SMC1B: variants seen among roughly 807,000 people sequenced by gnomAD.
SMC1B encodes structural maintenance of chromosomes 1B.
A neutral mutation model predicts 157.9 loss-of-function variants in SMC1B; 60 were observed. The observed-to-expected ratio is 0.38, with a 90% CI of 0.31 to 0.47. The LOEUF (loss-of-function observed/expected upper bound fraction) is 0.47. Among genes scored for constraint, SMC1B ranks in the 20% least tolerant of loss-of-function variants. SMC1B has a pLI of 0.99. For synonymous variants in SMC1B, 445 were observed against 483.0 expected (o/e 0.92, Z 1.03); for missense variants, 1,165 against 1,426.2 (o/e 0.82, Z 2.95).
At chr22:45,360,069 G>A (rs1344135834) in intron 17 of SMC1B, 111 bp from the exon 18 acceptor site, 1 of 787,804 alleles carries the variant, frequency 1.3e-6, no homozygotes, top group Admixed American at 2.9e-5. Flanking sequence ...TTATTCCTGT[G>A]AGTGCTGTAA....
At chr22:45,370,784 C>T (rs781634340) in intron 14 of SMC1B, among the ~76,000 whole-genome samples, 2 of 152,100 alleles carry the variant, frequency 1.3e-5, no homozygotes, top group Non-Finnish European at 2.9e-5. Context: ...TTGATAACAT[C>T]CAGAGGATGG....
intron 1 of SMC1B, among the ~76,000 whole-genome samples, chr22:45,409,751 C>T (rs978450883): frequency 6.6e-5 from 10 of 152,236 alleles, no homozygotes; most frequent in Middle Eastern, 3.4e-3. Flanking sequence ...GGTTGGCTGG[C>T]TTACAGGGAT....
Position 45,362,914 on chromosome 22 carries a change from C to G in SMC1B, c.2533G>C (p.Gly845Arg). Residue 845 changes from glycine to arginine, a missense_variant, in exon 16 of 25, where the codon GGT becomes CGT. By Grantham distance (125) the Gly-to-Arg change is moderately radical. Transcript: ENST00000357450. Reference protein sequence around the residue: ...INTLKETIQKGSEDIDHLKKA... With the variant: ...INTLKETIQKRSEDIDHLKKA... ...TTTAGGTGATCAATATCTTCACTACCTTTCTGGATAGTTTCTTTTAATGTG... is the reference window on the plus strand; with the variant it reads ...TTTAGGTGATCAATATCTTCACTACGTTTCTGGATAGTTTCTTTTAATGTG... 1 of 1,602,332 alleles carries G rather than the reference C, an allele frequency of 6.2e-7. No homozygotes were observed. Among genetic ancestry groups the G allele is most frequent in the Non-Finnish European group, 8.5e-7 (1 of 1,174,638 alleles).
At position 45,406,114 on chromosome 22, in the gene SMC1B, C is replaced by G. The variant is rs563487611; in HGVS notation, c.615+346G>C. Among the ~76,000 whole-genome samples, 5 of 152,098 alleles carry G rather than the reference C, an allele frequency of 3.3e-5. No individual in the cohort carries two copies. In the East Asian group the frequency reaches 9.7e-4, roughly 29 times the overall value. ...ATACAATAAATATTAATAGATATAA[C>G]CCATATGAACAAAAACTCTTTGGGG... On this transcript the variant is annotated intron_variant, in intron 4 of 24. Transcript: ENST00000357450.
At chr22:45,363,941 T>C (rs1324271518) in intron 15 of SMC1B, among the ~76,000 whole-genome samples, 1 of 151,762 alleles carries the variant, frequency 6.6e-6, no homozygotes, top group Non-Finnish European at 1.5e-5. Flanking sequence ...CTCCGCCCCC[T>C]GGGTTCAAAC....
At chr22:45,372,097 C>A (rs1331718355) in intron 13 of SMC1B, 58 bp downstream of exon 13, 3 of 1,415,290 alleles carry the variant, frequency 2.1e-6, no homozygotes, top group Non-Finnish European at 2.9e-6. Flanking sequence ...AAATGTAATT[C>A]CTGAAATTCT....
At chr22:45,346,824 T>A (rs978351495) in intron 23 of SMC1B, among the ~76,000 whole-genome samples, 1 of 152,054 alleles carries the variant, frequency 6.6e-6, no homozygotes, top group Non-Finnish European at 1.5e-5. Flanking sequence ...GAGTGGAGGG[T>A]GCTTCATAGT....
chr22:45,389,391 A>G (rs1335978170), intron 10 of SMC1B, among the ~76,000 whole-genome samples: 1 of 152,202 alleles, frequency 6.6e-6, no homozygotes, highest in African/African-American at 2.4e-5. Flanking sequence ...CGTCTTATCC[A>G]TTTCCTATAC....
rs372406430 is a variant in SMC1B, at chr22:45,354,505, C to T, written c.3119-373G>A. Among the ~76,000 whole-genome samples, 56 of 152,244 alleles carry T rather than the reference C, an allele frequency of 3.7e-4. 1 individual carries two copies. In the East Asian group the frequency reaches 9.1e-3, roughly 25 times the overall value. ...TCCCAGGTTCAAGCAATTCTCCTGC[C>T]TCAGCCTCCCGAGTAGCTGGGACTA... is the stretch of plus-strand genomic sequence containing the variant. On this transcript the variant is annotated intron_variant, in intron 20 of 24. Coordinates refer to ENST00000357450, the MANE Select transcript of SMC1B (RefSeq NM_148674.5).
At chr22:45,345,845 T>C (rs2086545805) in intron 23 of SMC1B, among the ~76,000 whole-genome samples, 1 of 152,202 alleles carries the variant, frequency 6.6e-6, no homozygotes, top group Non-Finnish European at 1.5e-5. Context: ...AACCAGCCTT[T>C]ATAACAAGAA....
chr22:45,387,856 A>C (rs980175685), intron 10 of SMC1B, among the ~76,000 whole-genome samples: 4 of 152,052 alleles, frequency 2.6e-5, no homozygotes, highest in Non-Finnish European at 4.4e-5. Flanking sequence ...ACATGGTGAA[A>C]CCCTGTCTCT....
At chr22:45,379,723 C>CTTTTTT (rs136583) in intron 12 of SMC1B, among the ~76,000 whole-genome samples, 19 of 91,482 alleles carry the variant, frequency 2.1e-4, no homozygotes, top group South Asian at 4.2e-4. Flanking sequence ...TTTCTTTTTA[C>CTTTTTT]TTTTTTTTTT....
intron 12 of SMC1B, among the ~76,000 whole-genome samples, chr22:45,374,585 T>A (rs1374427144): frequency 2.0e-5 from 3 of 152,230 alleles, no homozygotes; most frequent in Admixed American, 2.0e-4. Context: ...TGGTTACAAG[T>A]CTTCAAAATA....
intron 10 of SMC1B, among the ~76,000 whole-genome samples, chr22:45,387,364 C>T (rs569234615): frequency 2.6e-5 from 4 of 152,070 alleles, no homozygotes; most frequent in South Asian, 2.1e-4. Context: ...GCAGGAGACT[C>T]GCTTGAACTT....
chr22:45,408,258 T>C (rs2087287008), intron 2 of SMC1B, among the ~76,000 whole-genome samples: 1 of 152,144 alleles, frequency 6.6e-6, no homozygotes, highest in Admixed American at 6.5e-5. Context: ...CCCGAGTAGC[T>C]GGGACTACAG....
intron 4 of SMC1B, among the ~76,000 whole-genome samples, chr22:45,405,189 A>C (rs992905181): frequency 1.3e-5 from 2 of 152,138 alleles, no homozygotes; most frequent in Non-Finnish European, 2.9e-5. Flanking sequence ...ACACATAATA[A>C]AGGTCAAGGT....
In SMC1B at chr22:45,375,641, C is replaced by A. The variant is rs555648793; in HGVS notation, c.2059-3349G>T. On this transcript the variant is annotated intron_variant, in intron 12 of 24. Coordinates refer to ENST00000357450, the MANE Select transcript of SMC1B (RefSeq NM_148674.5). ...ATAATTTCCACTAATTAGTCTTTTA[C>A]TTAGTAGTATTTAAACTAGGTCTGG... is the stretch of plus-strand genomic sequence containing the variant. Among the ~76,000 whole-genome samples the A allele has an allele frequency of 2.0e-5, 3 of 152,280 alleles. No individual in the cohort carries two copies. In the South Asian group the frequency reaches 6.2e-4, roughly 32 times the overall value.
At chr22:45,346,709 A>C (rs947934546) in intron 23 of SMC1B, among the ~76,000 whole-genome samples, 6 of 152,224 alleles carry the variant, frequency 3.9e-5, no homozygotes, top group Non-Finnish European at 8.8e-5. Context: ...GGCTGAAAAA[A>C]GGTCTTGGGC....
chr22:45,374,406 AG>A (rs1402985894), intron 12 of SMC1B, among the ~76,000 whole-genome samples: 1 of 152,202 alleles, frequency 6.6e-6, no homozygotes, highest in African/African-American at 2.4e-5. Flanking sequence ...TACAAATATC[AG>A]GCCCAGTACA....
Sources: allele counts gnomAD v4.1 joint callset (sites outside exome capture counted in the v4.1 genomes callset), GRCh38; gene constraint gnomAD v4.1.1; transcripts MANE v1.5; gene names NCBI Gene and HGNC (gene_info 2026-07-23, HGNC 2026-07-21).